ADORA1: variants seen among roughly 807,000 people sequenced by gnomAD.
ADORA1 encodes the protein adenosine receptor A1.
Under a neutral mutation model 19.9 loss-of-function variants are expected in ADORA1, and 6 were observed. The ratio of observed to expected loss-of-function variants is 0.30; its 90% CI spans 0.17 to 0.59. ADORA1 has a LOEUF of 0.59. Ranked by LOEUF, ADORA1 falls within the 20% of genes least tolerant of loss-of-function variation. The probability of loss-of-function intolerance (pLI) is 0.87; values close to 1 mark genes in which losing one functional copy is unlikely to be tolerated. For missense variants in ADORA1, 302 were observed against 439.2 expected (o/e 0.69, Z 2.79); for synonymous variants, 194 against 188.4 (o/e 1.03, Z -0.24).
intron 3 of ADORA1, among the ~76,000 whole-genome samples, chr1:203,145,871 C>A (rs1017073746): frequency 1.3e-5 from 2 of 152,158 alleles, no homozygotes; most frequent in Admixed American, 6.5e-5. Context: ...TGAGGAGTTC[C>A]TTTACAAGCC....
At chr1:203,161,080 G>A (rs1390731150) in intron 3 of ADORA1, among the ~76,000 whole-genome samples, 3 of 152,152 alleles carry the variant, frequency 2.0e-5, no homozygotes, top group Middle Eastern at 3.2e-3. Flanking sequence ...TGACACTCTT[G>A]CAGCAGCTAT....
chr1:203,164,780 G>A (rs906581158), intron 3 of ADORA1, among the ~76,000 whole-genome samples: 4 of 152,168 alleles, frequency 2.6e-5, no homozygotes, highest in East Asian at 1.9e-4. Flanking sequence ...TAGGAAGCAC[G>A]GAACAGCACT....
intron 3 of ADORA1, among the ~76,000 whole-genome samples, chr1:203,140,692 C>A (rs964759713): frequency 5.3e-5 from 8 of 152,204 alleles, no homozygotes; most frequent in Non-Finnish European, 1.0e-4. Flanking sequence ...TTCCACCTTA[C>A]TTCTCAGGAA....
chr1:203,139,230 T>C (rs191111076), intron 3 of ADORA1, among the ~76,000 whole-genome samples: 2 of 152,282 alleles, frequency 1.3e-5, no homozygotes, highest in Non-Finnish European at 2.9e-5. Flanking sequence ...ATTTCTAAAG[T>C]GATGTCCTGG....
Position 203,165,387 on chromosome 1 carries a change from G to C in ADORA1, c.468G>C (p.Trp156Cys). Residue 156 changes from tryptophan (W) to cysteine (C), a missense_variant, in exon 4 of 4, where the codon TGG (tryptophan) becomes TGC (cysteine). Physicochemically the swap from Trp to Cys is radical, Grantham distance 215 (BLOSUM62 -2). Coordinates refer to ENST00000337894, the MANE Select transcript of ADORA1 (RefSeq NM_000674.3). The surrounding 1 kb of genome is among the most constrained non-coding windows in gnomAD (Gnocchi z 5.9). ...WNNLSAVERA[W>C]AANGSMGEPV... Reference sequence around the variant, plus strand: ...ATCTGAGTGCGGTGGAGCGGGCCTGGGCAGCCAACGGCAGCATGGGGGAGC... The same window carrying C: ...ATCTGAGTGCGGTGGAGCGGGCCTGCGCAGCCAACGGCAGCATGGGGGAGC... The C allele has an allele frequency of 1.2e-6, 2 of 1,606,754 alleles. No individual in the cohort carries two copies. The highest frequency in any genetic ancestry group is 1.7e-6 in the Non-Finnish European group (2 of 1,176,310).
At chr1:203,160,850 A>G in intron 3 of ADORA1, among the ~76,000 whole-genome samples, 1 of 152,228 alleles carries the variant, frequency 6.6e-6, no homozygotes, top group Non-Finnish European at 1.5e-5. Flanking sequence ...AGCACATAGA[A>G]ATAAATGTTA....
At position 203,139,990 on chromosome 1, in the gene ADORA1, A is replaced by T. The variant is rs145350115; in HGVS notation, c.341+10808A>T. 1.3e-3 allele frequency among the ~76,000 whole-genome samples: 192 copies of T among 152,356 alleles called. 1 individual carries two copies. The highest frequency in any genetic ancestry group is 4.3e-3 in the African/African-American group (179 of 41,582). ...GAGTGGTTTAAGCAGGGAATCACAT[A>T]ATTCAGATTACATTTTAAAAAGGTC... On this transcript the variant is annotated intron_variant, in intron 3 of 3. Transcript: ENST00000337894.
chr1:203,139,964 T>C (rs960480860), intron 3 of ADORA1, among the ~76,000 whole-genome samples: 3 of 152,242 alleles, frequency 2.0e-5, no homozygotes, highest in African/African-American at 7.2e-5. Flanking sequence ...ATGAAGCCTC[T>C]GAGTGGTTTA....
chr1:203,133,854 C>T (rs1361625644), intron 3 of ADORA1, among the ~76,000 whole-genome samples: 1 of 152,168 alleles, frequency 6.6e-6, no homozygotes, highest in African/African-American at 2.4e-5. Flanking sequence ...AATTAGGGCA[C>T]GTTTGCGTTT....
Position 203,135,242 on chromosome 1 carries a change from A to G in ADORA1, c.341+6060A>G, listed in dbSNP as rs533956992. ...AAATTTTTGAATAAATGAATATTTG[A>G]ATATCATATTTTATTTATGCATTCT... On this transcript the variant is annotated intron_variant, in intron 3 of 3. Coordinates refer to ENST00000337894, the MANE Select transcript of ADORA1 (RefSeq NM_000674.3). Among the ~76,000 whole-genome samples, 8 of 152,378 alleles carry G rather than the reference A, an allele frequency of 5.3e-5. No individual in the cohort carries two copies. The East Asian group carries it at 1.5e-3, about 29-fold the overall frequency.
Position 203,165,931 on chromosome 1 carries a change from C to T in ADORA1, c.*31C>T, listed in dbSNP as rs751284960. 3 of 1,525,212 alleles carry T rather than the reference C, an allele frequency of 2.0e-6. No individual in the cohort carries two copies. The Admixed American group carries it at 6.2e-5, about 31-fold the overall frequency. The allele number at this position is 1,525,212 out of a possible 1,614,324, so 94.5% of individuals were successfully genotyped here. A position where few individuals can be genotyped will look rare whatever the true frequency, so the allele number is the denominator to read the frequency against. ...GCCTTCCGCTCCCACCAGCCCACAT[C>T]CAGTGGGGTCTCAGTCCAGTCCTCA... On this transcript the variant is annotated 3_prime_UTR_variant, in exon 4 of 4. Transcript: ENST00000337894. This position sits in a 1 kb window ranked among gnomAD's most constrained non-coding sequence, Gnocchi z 5.9.
chr1:203,140,008 A>G (rs1453696655), intron 3 of ADORA1, among the ~76,000 whole-genome samples: 3 of 152,244 alleles, frequency 2.0e-5, no homozygotes, highest in Admixed American at 2.0e-4. Context: ...TTACATTTTA[A>G]AAAGGTCAAA....
intron 3 of ADORA1, chr1:203,150,194 C>T: frequency 6.5e-6 from 1 of 154,304 alleles, no homozygotes; most frequent in Admixed American, 6.4e-5. Context: ...TCTGGCTCAC[C>T]TGCACCCACT....
At position 203,165,994 on chromosome 1, in the gene ADORA1, CA is replaced by C; in HGVS notation, c.*95del. 1 of 1,437,266 alleles carries C rather than the reference CA, an allele frequency of 7.0e-7. No individual in the cohort carries two copies. The allele number at this position is 1,437,266 out of a possible 1,614,324, so 89.0% of individuals were successfully genotyped here. A position where few individuals can be genotyped will look rare whatever the true frequency, so the allele number is the denominator to read the frequency against. The stretch of plus-strand genomic sequence containing the variant: ...CCCAGGGGTCTCCCTGAGCCTGCCC[CA>C]GCTGGGCTGTTGGCTGGGGGCATGG... On this transcript the variant is annotated 3_prime_UTR_variant, in exon 4 of 4. Transcript: ENST00000337894. This position sits in a 1 kb window ranked among gnomAD's most constrained non-coding sequence, Gnocchi z 5.9.
intron 3 of ADORA1, among the ~76,000 whole-genome samples, chr1:203,132,062 G>A (rs910097706): frequency 6.6e-6 from 1 of 152,228 alleles, no homozygotes; most frequent in African/African-American, 2.4e-5. Context: ...AAAACCAAGA[G>A]AGAAAAGAGA....
chr1:203,133,259 G>A (rs1025828649), intron 3 of ADORA1, among the ~76,000 whole-genome samples: 4 of 152,054 alleles, frequency 2.6e-5, no homozygotes, highest in African/African-American at 7.2e-5. Flanking sequence ...AATTACAGGT[G>A]CATGCCACCA....
chr1:203,151,834 A>C (rs898169073), intron 3 of ADORA1, among the ~76,000 whole-genome samples: 1 of 140,540 alleles, frequency 7.1e-6, no homozygotes, highest in African/African-American at 2.5e-5. Flanking sequence ...ATACTCAATA[A>C]ATATTTATTT....
At chr1:203,142,605 G>A (rs935477703) in intron 3 of ADORA1, among the ~76,000 whole-genome samples, 1 of 152,188 alleles carries the variant, frequency 6.6e-6, no homozygotes, top group Non-Finnish European at 1.5e-5. Context: ...TGGGATCACC[G>A]GAGCTTGTAC....
chr1:203,164,936 G>A, intron 3 of ADORA1: 4 of 1,041,206 alleles, frequency 3.8e-6, no homozygotes, highest in Non-Finnish European at 5.7e-6. Flanking sequence ...ACCAGTGGGG[G>A]CATGCTGAGC....
Sources: allele counts gnomAD v4.1 joint callset (sites outside exome capture counted in the v4.1 genomes callset), GRCh38; gene constraint gnomAD v4.1.1; non-coding constraint Gnocchi (gnomAD v3.1); transcripts MANE v1.5; gene names NCBI Gene and HGNC (gene_info 2026-07-23, HGNC 2026-07-21).